TNRC6B: variants seen among roughly 807,000 people sequenced by gnomAD.
TNRC6B encodes the protein trinucleotide repeat containing adaptor 6B.
TNRC6B carries 52 observed loss-of-function variants against 203.6 expected under a neutral mutation model. The observed-to-expected ratio is 0.26, with a 90% CI of 0.20 to 0.32. The LOEUF (loss-of-function observed/expected upper bound fraction) is 0.32, where lower values mean the gene tolerates loss of function less well. Among genes scored for constraint, TNRC6B ranks in the 10% least tolerant of loss-of-function variants. TNRC6B has a pLI of 1.00. For synonymous variants in TNRC6B, 838 were observed against 845.7 expected, an observed-to-expected ratio of 0.99 and a Z score of 0.16; for missense variants, 1,923 against 2,286.2, an observed-to-expected ratio of 0.84 and a Z score of 3.24.
chr22:40,168,713 AT>A (rs1238771309), intron 4 of TNRC6B, among the ~76,000 whole-genome samples: 1 of 152,008 alleles, frequency 6.6e-6, no homozygotes, highest in Non-Finnish European at 1.5e-5. Flanking sequence ...TCCCATTGAC[AT>A]TTTTTCTTGT....
intron 1 of TNRC6B, among the ~76,000 whole-genome samples, chr22:40,057,345 G>A (rs962819189): frequency 6.7e-5 from 10 of 149,194 alleles, no homozygotes; most frequent in Non-Finnish European, 1.2e-4. Context: ...CCAGGCTGGA[G>A]TACAATGGCA....
chr22:40,189,437 G>A (rs1030561599), intron 1 of TNRC6B, among the ~76,000 whole-genome samples: 1 of 148,510 alleles, frequency 6.7e-6, no homozygotes, highest in Admixed American at 6.8e-5. Context: ...ACACACTTCA[G>A]TACATTTGAT....
At chr22:40,174,995 A>T (rs995102779), upstream of TNRC6B, among the ~76,000 whole-genome samples, 3 of 152,178 alleles carry the variant, frequency 2.0e-5, no homozygotes, top group Non-Finnish European at 2.9e-5. Flanking sequence ...TTTGTTTTAG[A>T]TAAACGATTA....
At chr22:40,215,373 C>G (rs897182188) in intron 1 of TNRC6B, among the ~76,000 whole-genome samples, 1 of 152,230 alleles carries the variant, frequency 6.6e-6, no homozygotes, top group Non-Finnish European at 1.5e-5. Context: ...GGGATCCTGC[C>G]AGCCACATTT....
rs758895430 is a variant in TNRC6B, at chr22:40,329,133, T to G, written c.*5892T>G. ...TGATGCGGATGAAAATATTCTGGTC[T>G]GTGTGTATACAATGAATTGTCAGTC... On this transcript the variant is annotated 3_prime_UTR_variant, in exon 23 of 23. Transcript: ENST00000454349. 5.9e-5 allele frequency: 9 copies of G among 152,416 alleles called. No individual in the cohort carries two copies. The South Asian group carries it at 1.2e-3, about 21-fold the overall frequency. 9.4% of individuals were successfully genotyped at this position (152,416 alleles called of 1,614,324 possible).
intron 1 of TNRC6B, among the ~76,000 whole-genome samples, chr22:40,205,392 A>G (rs1275301246): frequency 6.6e-6 from 1 of 152,236 alleles, no homozygotes; most frequent in Non-Finnish European, 1.5e-5. Context: ...CTGGTATTCT[A>G]GATATGCTGA....
At chr22:40,070,503 CAGTGTTTCCTTCAGAA>C (rs1315787828) in intron 1 of TNRC6B, among the ~76,000 whole-genome samples, 24 of 152,094 alleles carry the variant, frequency 1.6e-4, no homozygotes, top group African/African-American at 5.8e-4. Flanking sequence ...AGGCTGATTT[CAGTGTTTCCTTCAGAA>C]AGAAGTTAAA....
intron 1 of TNRC6B, among the ~76,000 whole-genome samples, chr22:40,242,738 C>A (rs150322709): frequency 5.6e-4 from 84 of 150,226 alleles, no homozygotes; most frequent in African/African-American, 2.0e-3. Context: ...CCCTATTATT[C>A]TTAATATACT....
chr22:40,322,731 T>C (rs1249650100), intron 22 of TNRC6B, 123 bp from the exon 23 acceptor site: 1 of 1,177,580 alleles, frequency 8.5e-7, no homozygotes, highest in Non-Finnish European at 1.2e-6. Flanking sequence ...TAAAAAGCGT[T>C]CATGGATATG....
chr22:40,216,154 A>C (rs936720872), intron 1 of TNRC6B, among the ~76,000 whole-genome samples: 41 of 152,306 alleles, frequency 2.7e-4, no homozygotes, highest in African/African-American at 8.9e-4. Flanking sequence ...CGTTCCCCCT[A>C]GTTAGATGCC....
At position 40,324,405 on chromosome 22, in the gene TNRC6B, A is replaced by C. The variant is rs1479537239; in HGVS notation, c.*1164A>C. The C allele has an allele frequency of 6.6e-6, 1 of 152,420 alleles. No homozygotes were observed. The highest frequency in any genetic ancestry group is 1.5e-5 in the Non-Finnish European group (1 of 68,008). 9.4% of individuals were successfully genotyped at this position (152,420 alleles called of 1,614,324 possible). On this transcript the variant is annotated 3_prime_UTR_variant, in exon 23 of 23. Coordinates refer to ENST00000454349, the MANE Select transcript of TNRC6B (RefSeq NM_001162501.2). ...ACGGAAGATAACTTTTGATGATGCG[A>C]TGTCTCAAAAACAGAGAAACTTTGT...
chr22:40,073,146 T>G (rs1351347206), intron 1 of TNRC6B, among the ~76,000 whole-genome samples: 4 of 149,968 alleles, frequency 2.7e-5, no homozygotes, highest in East Asian at 3.9e-4. Flanking sequence ...CCTTGGTTTT[T>G]TTTTTTTTTT....
intron 3 of TNRC6B, among the ~76,000 whole-genome samples, chr22:40,141,270 A>G (rs1026631814): frequency 1.4e-5 from 2 of 145,876 alleles, no homozygotes; most frequent in African/African-American, 2.6e-5. Flanking sequence ...CAGTGGCACA[A>G]TCTCAACTCA....
At chr22:40,093,452 G>C (rs952127011) in intron 1 of TNRC6B, among the ~76,000 whole-genome samples, 2 of 152,168 alleles carry the variant, frequency 1.3e-5, no homozygotes, top group African/African-American at 4.8e-5. Context: ...GAATCAGGAA[G>C]CTCAAGCAGG....
intron 1 of TNRC6B, among the ~76,000 whole-genome samples, chr22:40,202,260 G>GTTTTTGTTTTTTTGTTTTTTTTTTTTTT (rs761983025): frequency 7.7e-6 from 1 of 129,732 alleles, no homozygotes; most frequent in African/African-American, 2.8e-5. Flanking sequence ...TTGTTTTTTT[G>GTTTTTGTTTTTTTGTTTTTTTTTTTTTT]TTTTTTTTTT....
intron 1 of TNRC6B, among the ~76,000 whole-genome samples, chr22:40,092,056 A>G (rs550855616): frequency 3.9e-5 from 6 of 152,312 alleles, no homozygotes; most frequent in African/African-American, 1.4e-4. Flanking sequence ...AAGAGTCACA[A>G]AACACTCAAA....
In TNRC6B at chr22:40,107,064, G is replaced by T. The variant is rs188295474; in HGVS notation, c.-120-9991G>T. ...CTTCTTCTTCTTTTCTACACCCTCC[G>T]TGGTTCCAGCCGGAAAAAGAGGGAG... On this transcript the variant is annotated intron_variant, in intron 1 of 23. Transcript: ENST00000301923. 2.2e-4 allele frequency: 173 copies of T among 796,776 alleles called. No homozygotes were observed. In the East Asian group the frequency reaches 3.4e-3, roughly 16 times the overall value. The allele number at this position is 796,776 out of a possible 1,614,324, so 49.4% of individuals were successfully genotyped here. A position where few individuals can be genotyped will look rare whatever the true frequency, so the allele number is the denominator to read the frequency against.
chr22:40,261,734 C>G, intron 3 of TNRC6B, 98 bp from the exon 4 acceptor site: 1 of 1,086,072 alleles, frequency 9.2e-7, no homozygotes, highest in Non-Finnish European at 1.2e-6. Flanking sequence ...CATGGCAAGA[C>G]CCCATCTCTA....
intron 1 of TNRC6B, among the ~76,000 whole-genome samples, chr22:40,200,580 G>A (rs1275091530): frequency 4.0e-5 from 6 of 151,882 alleles, no homozygotes; most frequent in African/African-American, 1.2e-4. Context: ...GAGCCACCGC[G>A]CCCGGCTAAA....
Sources: allele counts gnomAD v4.1 joint callset (sites outside exome capture counted in the v4.1 genomes callset), GRCh38; gene constraint gnomAD v4.1.1; transcripts MANE v1.5; gene names NCBI Gene and HGNC (gene_info 2026-07-23, HGNC 2026-07-21).